The following FBXL18 variants were observed in gnomAD, a reference collection of about 807,000 sequenced individuals.
FBXL18 encodes the protein F-box/LRR-repeat protein 18.
In FBXL18, 36 loss-of-function variants were observed where a neutral mutation model predicts 46.0. That is an observed-to-expected ratio of 0.78 (90% CI 0.60 to 1.03). The LOEUF (loss-of-function observed/expected upper bound fraction) is 1.03, where lower values mean the gene tolerates loss of function less well. Ranked by LOEUF, FBXL18 falls within the 50% of genes least tolerant of loss-of-function variation. The pLI, the probability that FBXL18 is intolerant of heterozygous loss-of-function variation, is 0.00. For missense variants in FBXL18, 977 were observed against 1,004.1 expected (o/e 0.97, Z 0.36); for synonymous variants, 557 against 465.3 (o/e 1.20, Z -2.54).
At chr7:5,475,447 C>T (rs1562678438), downstream of FBXL18, among the ~76,000 whole-genome samples, 1 of 152,246 alleles carries the variant, frequency 6.6e-6, no homozygotes, top group African/African-American at 2.4e-5. This position sits in a 1 kb window ranked among gnomAD's most constrained non-coding sequence, Gnocchi z 4.2. Context: ...GAGCTGCCAC[C>T]AGACCACAGG....
rs1222072538 is a variant in FBXL18, at chr7:5,478,847, G to T, written c.*2928C>A. On this transcript the variant is annotated 3_prime_UTR_variant, in exon 5 of 5. Coordinates refer to ENST00000382368, the MANE Select transcript of FBXL18 (RefSeq NM_024963.6). ...ACACACAGGGCACAGGTACCCGCAGGCACACGTGCACGCAGGCACACGCAC... is the reference window on the plus strand; with the variant it reads ...ACACACAGGGCACAGGTACCCGCAGTCACACGTGCACGCAGGCACACGCAC... 6.6e-6 allele frequency: 1 copy of T among 152,154 alleles called. No homozygotes were observed. The highest frequency in any genetic ancestry group is 1.5e-5 in the Non-Finnish European group (1 of 68,054). The allele number at this position is 152,154 out of a possible 1,614,324, so 9.4% of individuals were successfully genotyped here. A position where few individuals can be genotyped will look rare whatever the true frequency, so the allele number is the denominator to read the frequency against.
chr7:5,502,450 G>C (rs192408264), intron 2 of FBXL18, among the ~76,000 whole-genome samples: 3 of 152,166 alleles, frequency 2.0e-5, no homozygotes, highest in African/African-American at 7.2e-5. Context: ...CAGAAGAATC[G>C]CTTGAACCTG....
chr7:5,457,162 C>T (rs1175240185), intron 4 of FBXL18, among the ~76,000 whole-genome samples: 2 of 152,202 alleles, frequency 1.3e-5, no homozygotes, highest in Non-Finnish European at 2.9e-5. Flanking sequence ...AGTCACTATA[C>T]TACATTTTAC....
intron 2 of FBXL18, among the ~76,000 whole-genome samples, chr7:5,502,649 G>C (rs1562703774): frequency 6.6e-6 from 1 of 152,064 alleles, no homozygotes; most frequent in Non-Finnish European, 1.5e-5. Context: ...TGGCCAACAT[G>C]GTGAAACCTC....
At chr7:5,468,754 C>T (rs1250045854) in intron 4 of FBXL18, among the ~76,000 whole-genome samples, 1 of 152,074 alleles carries the variant, frequency 6.6e-6, no homozygotes, top group African/African-American at 2.4e-5. Context: ...ACGCGCACCA[C>T]CACGACGGGC....
chr7:5,466,931 T>G (rs1783349037), intron 4 of FBXL18, among the ~76,000 whole-genome samples: 1 of 152,068 alleles, frequency 6.6e-6, no homozygotes, highest in African/African-American at 2.4e-5. Flanking sequence ...TTACATCAAT[T>G]TAAATGTACA....
Position 5,481,526 on chromosome 7 carries a change from A to C in FBXL18, c.*249T>G. 5.0e-5 allele frequency: 19 copies of C among 380,164 alleles called. No individual in the cohort carries two copies. The highest frequency in any genetic ancestry group is 6.5e-5 in the African/African-American group (3 of 45,996). The allele number at this position is 380,164 out of a possible 1,614,324, so 23.5% of individuals were successfully genotyped here. ...CCCCAAGGGTCAGCCTGGTTCAGCCAGCCCCCCACATCGACCGTCCCCCGA... is the reference window on the plus strand; with the variant it reads ...CCCCAAGGGTCAGCCTGGTTCAGCCCGCCCCCCACATCGACCGTCCCCCGA... On this transcript the variant is annotated 3_prime_UTR_variant, in exon 5 of 5. Coordinates refer to ENST00000382368, the MANE Select transcript of FBXL18 (RefSeq NM_024963.6).
At chr7:5,463,708 ATT>A (rs1562672196) in intron 4 of FBXL18, among the ~76,000 whole-genome samples, 29 of 51,810 alleles carry the variant, frequency 5.6e-4, no homozygotes, top group African/African-American at 1.4e-3. Flanking sequence ...ATATATATTT[ATT>A]TATTTATTTA....
At chr7:5,475,057 G>C (rs568361019), downstream of FBXL18, among the ~76,000 whole-genome samples, 1 of 145,516 alleles carries the variant, frequency 6.9e-6, no homozygotes, top group Non-Finnish European at 1.5e-5. The surrounding 1 kb of genome is among the most constrained non-coding windows in gnomAD (Gnocchi z 4.2). Flanking sequence ...GGTGGCTCAC[G>C]CCTGTCATCC....
chr7:5,486,216 A>C, intron 4 of FBXL18, among the ~76,000 whole-genome samples: 1 of 148,380 alleles, frequency 6.7e-6, no homozygotes, highest in African/African-American at 2.5e-5. Flanking sequence ...GTACCATTGC[A>C]CTCCAGCCTG....
intron 4 of FBXL18, chr7:5,489,934 G>C (rs892718277): frequency 1.4e-5 from 17 of 1,204,040 alleles, no homozygotes; most frequent in Non-Finnish European, 1.8e-5. Flanking sequence ...GACAGAGTGA[G>C]ACTCTGTCTC....
chr7:5,475,171 A>AAT, downstream of FBXL18, among the ~76,000 whole-genome samples: 1 of 151,580 alleles, frequency 6.6e-6, no homozygotes, highest in South Asian at 2.1e-4. This position sits in a 1 kb window ranked among gnomAD's most constrained non-coding sequence, Gnocchi z 4.2. Context: ...ATATTTTAAA[A>AAT]ATTAGCTGGG....
chr7:5,501,560 G>C lies in FBXL18; in HGVS notation c.709C>G (p.Leu237Val). Residue 237 changes from leucine to valine, a missense_variant, in exon 3 of 5, where the codon CTG becomes GTG. By Grantham distance (32) the Leu-to-Val change is conservative. Transcript: ENST00000382368. ...TCCTGGTTGATGTAGCCGGGGGCCA[G>C]GCGCGCATAGAAGACCCGCAGGTTC... ...YQNLRVFYAR[L>V]APGYINQEVV... 1.2e-6 allele frequency: 2 copies of C among 1,613,920 alleles called. No homozygotes were observed. Among genetic ancestry groups the C allele is most frequent in the Non-Finnish European group, 1.7e-6 (2 of 1,180,026 alleles).
intron 4 of FBXL18, among the ~76,000 whole-genome samples, chr7:5,482,734 C>T (rs893070444): frequency 2.7e-5 from 4 of 150,924 alleles, no homozygotes; most frequent in African/African-American, 9.8e-5. Flanking sequence ...CCTACTGGCC[C>T]TCCTAGGCCA....
chr7:5,501,311 T>C lies in FBXL18; in HGVS notation c.958A>G (p.Ser320Gly), dbSNP rs770298210. 1.9e-6 allele frequency: 3 copies of C among 1,614,038 alleles called. No homozygotes were observed. The highest frequency in any genetic ancestry group is 2.5e-6 in the Non-Finnish European group (3 of 1,180,038). Reference sequence around the variant, plus strand: ...CCTGACAGGGTACAGCGGCTGAAACTGAAGTAGAACGGGTTGTTGAATTTC... The same window carrying C: ...CCTGACAGGGTACAGCGGCTGAAACCGAAGTAGAACGGGTTGTTGAATTTC... ...HMKFNNPFYF[S>G]FSRCTLSGGH... is the part of the protein sequence containing the mutation. Residue 320 changes from serine (S) to glycine (G), a missense_variant, in exon 3 of 5, where the codon AGT (serine) becomes GGT (glycine). Physicochemically the swap from Ser to Gly is moderately conservative, Grantham distance 56 (BLOSUM62 0). Transcript: ENST00000382368.
chr7:5,500,985 G>C lies in FBXL18; in HGVS notation c.1284C>G (p.Ser428=), dbSNP rs751904239. The change falls in exon 3 of 5, where the codon TCC becomes TCG. Residue 428 remains serine (S), a synonymous_variant. Transcript: ENST00000382368. ...LSLPVCSVAD[S]APRADRAPAQ... ...CGGGCGCGCGGTCGGCGCGCGGCGC[G>C]GAGTCAGCGACAGAGCAGACAGGCA... 111 of 1,560,312 alleles carry C rather than the reference G, an allele frequency of 7.1e-5. No homozygotes were observed. The highest frequency in any genetic ancestry group is 9.2e-5 in the Non-Finnish European group (107 of 1,159,044).
At chr7:5,456,415 C>T (rs781705225) in intron 4 of FBXL18, among the ~76,000 whole-genome samples, 7 of 152,234 alleles carry the variant, frequency 4.6e-5, no homozygotes, top group Non-Finnish European at 7.3e-5. Context: ...TGTGCTCGCA[C>T]AGAAACCCCT....
At chr7:5,460,114 T>A (rs1562670299) in intron 4 of FBXL18, among the ~76,000 whole-genome samples, 1 of 151,540 alleles carries the variant, frequency 6.6e-6, no homozygotes, top group Non-Finnish European at 1.5e-5. Flanking sequence ...ATAAGCCAAG[T>A]GTTGTGGTGC....
At chr7:5,488,021 A>G (rs1004352070) in intron 4 of FBXL18, among the ~76,000 whole-genome samples, 2 of 152,248 alleles carry the variant, frequency 1.3e-5, no homozygotes, top group Non-Finnish European at 2.9e-5. Context: ...CTCTGGGGCC[A>G]CCTGCGAGCT....
Sources: allele counts gnomAD v4.1 joint callset (sites outside exome capture counted in the v4.1 genomes callset), GRCh38; gene constraint gnomAD v4.1.1; non-coding constraint Gnocchi (gnomAD v3.1); transcripts MANE v1.5; gene names NCBI Gene and HGNC (gene_info 2026-07-23, HGNC 2026-07-21).